The following SOCS7 variants were observed in gnomAD, a reference collection of about 807,000 sequenced individuals.
The protein encoded by SOCS7 is suppressor of cytokine signaling 7, also known as NAP-4.
SOCS7 carries 18 observed loss-of-function variants against 58.9 expected under a neutral mutation model. The observed-to-expected ratio is 0.31, with a 90% CI of 0.21 to 0.45. SOCS7 has a LOEUF of 0.45. Among genes scored for constraint, SOCS7 ranks in the 20% least tolerant of loss-of-function variants. The pLI is 1.00. For missense variants in SOCS7, 667 were observed against 837.3 expected (o/e 0.80, Z 2.51); for synonymous variants, 388 against 364.3 (o/e 1.06, Z -0.74).
At chr17:38,354,772 G>T (rs1334988907) in intron 1 of SOCS7, among the ~76,000 whole-genome samples, 1 of 152,132 alleles carries the variant, frequency 6.6e-6, no homozygotes. Context: ...ATTTTCTTGT[G>T]GTTTGTCTTG....
At chr17:38,393,362 C>T (rs945958054) in intron 7 of SOCS7, among the ~76,000 whole-genome samples, 1 of 152,112 alleles carries the variant, frequency 6.6e-6, no homozygotes, top group African/African-American at 2.4e-5. Flanking sequence ...CTGGGCCGGG[C>T]ATGGTGGCTC....
Position 38,405,432 on chromosome 17 carries a change from C to T in SOCS7, c.*5950C>T, listed in dbSNP as rs2038378881. The T allele has an allele frequency of 1.3e-5, 2 of 152,018 alleles. No homozygotes were observed. Among genetic ancestry groups the T allele is most frequent in the Non-Finnish European group, 2.9e-5 (2 of 68,012 alleles). 9.4% of individuals were successfully genotyped at this position (152,018 alleles called of 1,614,324 possible). ...AGGGACGTTAGTAGCTGCTGCAGGT[C>T]CTGTTTGGAAACCCCATGTACAATT... On this transcript the variant is annotated 3_prime_UTR_variant, in exon 10 of 10. Coordinates refer to ENST00000612932, the MANE Select transcript of SOCS7 (RefSeq NM_014598.4).
chr17:38,354,455 G>T (rs2037605851), intron 1 of SOCS7, among the ~76,000 whole-genome samples: 1 of 152,042 alleles, frequency 6.6e-6, no homozygotes, highest in Non-Finnish European at 1.5e-5. Context: ...GAAAATGTTG[G>T]GTGGATTTGG....
chr17:38,398,670 C>T (rs1225608535), intron 9 of SOCS7, among the ~76,000 whole-genome samples: 4 of 152,102 alleles, frequency 2.6e-5, no homozygotes, highest in African/African-American at 9.7e-5. Context: ...GAATTTCATG[C>T]CAGGGGGTTT....
At chr17:38,389,906 T>TATATATATGTACATATATATAG (rs1555571102) in intron 7 of SOCS7, among the ~76,000 whole-genome samples, 1 of 103,480 alleles carries the variant, frequency 9.7e-6, no homozygotes, top group African/African-American at 4.7e-5. Context: ...TATACACATA[T>TATATATATGTACATATATATAG]AGAGAGAGAG....
chr17:38,383,928 C>A (rs764839095), intron 7 of SOCS7, among the ~76,000 whole-genome samples: 3 of 152,140 alleles, frequency 2.0e-5, no homozygotes, highest in African/African-American at 7.2e-5. Context: ...ATTTCACTTA[C>A]GCTTGTGAAA....
At chr17:38,364,619 G>A (rs1207519728) in intron 2 of SOCS7, 133 bp from the exon 3 acceptor site, 5 of 684,652 alleles carry the variant, frequency 7.3e-6, no homozygotes, top group African/African-American at 7.2e-5. Context: ...TCAGCCCTGG[G>A]GGCATTAGGT....
At chr17:38,359,447 T>G (rs1238196921) in intron 1 of SOCS7, among the ~76,000 whole-genome samples, 1 of 152,206 alleles carries the variant, frequency 6.6e-6, no homozygotes, top group Non-Finnish European at 1.5e-5. Context: ...CTGAATAAGA[T>G]CTTCATGGTA....
chr17:38,387,478 T>TATATATATACACAATACATA (rs2038089304), intron 7 of SOCS7, among the ~76,000 whole-genome samples: 1 of 143,054 alleles, frequency 7.0e-6, no homozygotes, highest in Non-Finnish European at 1.5e-5. Flanking sequence ...CAATATATAG[T>TATATATATACACAATACATA]ATATATATAC....
intron 7 of SOCS7, among the ~76,000 whole-genome samples, chr17:38,394,490 CCTGCTGAACCAGCCTCT>C (rs1057462884): frequency 6.6e-4 from 101 of 152,294 alleles, no homozygotes; most frequent in African/African-American, 2.3e-3. Flanking sequence ...TACCAGCCTC[CCTGCTGAACCAGCCTCT>C]CTGCTGAACC....
At chr17:38,396,166 C>T (rs989250396) in intron 9 of SOCS7, among the ~76,000 whole-genome samples, 168 bp downstream of exon 9, 5 of 152,222 alleles carry the variant, frequency 3.3e-5, no homozygotes, top group African/African-American at 1.2e-4. Context: ...GGGGCACACA[C>T]CCCATTTGGG....
In SOCS7 at chr17:38,361,923, G is replaced by A. The variant is rs2037725569; in HGVS notation, c.1045+148G>A. The A allele has an allele frequency of 9.6e-6, 6 of 625,118 alleles. No homozygotes were observed. The Admixed American group carries it at 1.9e-4, about 20-fold the overall frequency. The allele number at this position is 625,118 out of a possible 1,614,324, so 38.7% of individuals were successfully genotyped here. A position where few individuals can be genotyped will look rare whatever the true frequency, so the allele number is the denominator to read the frequency against. ...CCATGCTTAGTGGGTTTGGGGTGAG[G>A]CTATTTTTATGGTATGGAATGTGTT... On this transcript the variant is annotated intron_variant, in intron 2 of 9. Coordinates refer to ENST00000612932, the MANE Select transcript of SOCS7 (RefSeq NM_014598.4).
chr17:38,370,695 G>A (rs2037851904), intron 6 of SOCS7, among the ~76,000 whole-genome samples: 1 of 150,996 alleles, frequency 6.6e-6, no homozygotes, highest in Non-Finnish European at 1.5e-5. Flanking sequence ...CATCGCCCAG[G>A]CTAGAGTGCA....
At position 38,352,779 on chromosome 17, in the gene SOCS7, GAGCAGCAGC is replaced by G. The variant is rs55849419; in HGVS notation, c.744_752del (p.Gln249_Gln251del). The G allele has an allele frequency of 1.2e-4, 186 of 1,550,020 alleles. 2 individuals carry two copies. Among genetic ancestry groups the G allele is most frequent in the South Asian group, 9.4e-4 (79 of 84,040 alleles). On this transcript the variant is annotated inframe_deletion, in exon 1 of 10. Transcript: ENST00000612932. This position sits in a 1 kb window ranked among gnomAD's most constrained non-coding sequence, Gnocchi z 5.5. ...CCCTCTGGGGCGCCTGAGTAGAGGG[GAGCAGCAGC>G]AGCAGCAGCAGCAGCAACCTCCCCC...
chr17:38,363,688 G>C (rs587733575), intron 2 of SOCS7, among the ~76,000 whole-genome samples: 1 of 152,026 alleles, frequency 6.6e-6, no homozygotes, highest in Non-Finnish European at 1.5e-5. Flanking sequence ...GTATTCAAGA[G>C]CTTTGTAAAA....
At chr17:38,353,104 G>A in intron 1 of SOCS7, 72 bp downstream of exon 1, 1 of 1,373,396 alleles carries the variant, frequency 7.3e-7, no homozygotes, top group Non-Finnish European at 9.7e-7. Flanking sequence ...TATTGCTATC[G>A]CGATCCTGAC....
chr17:38,357,744 T>A (rs1209082534), intron 1 of SOCS7, among the ~76,000 whole-genome samples: 1 of 152,236 alleles, frequency 6.6e-6, no homozygotes, highest in East Asian at 1.9e-4. Context: ...ATTGGAGCCA[T>A]AAAATCTGGT....
Position 38,389,872 on chromosome 17 carries a change from T to TATATATATATATGTGTAC in SOCS7, c.1682-5427_1682-5426insATGTGTACATATATATAT, listed in dbSNP as rs2038137969. Among the ~76,000 whole-genome samples, 30 of 111,752 alleles carry TATATATATATATGTGTAC rather than the reference T, an allele frequency of 2.7e-4. 1 individual carries two copies. The highest frequency in any genetic ancestry group is 5.0e-4 in the African/African-American group (13 of 26,194). 73.3% of individuals were successfully genotyped at this position (111,752 alleles called of 152,430 possible). A position where few individuals can be genotyped will look rare whatever the true frequency, so the allele number is the denominator to read the frequency against. On this transcript the variant is annotated intron_variant, in intron 7 of 9. Transcript: ENST00000612932. The stretch of plus-strand genomic sequence containing the variant: ...TGTTTGGTGTGTATGTGTGTACATA[T>TATATATATATATGTGTAC]ATATATATATGTACATATATATATA...
At chr17:38,376,380 A>C (rs79045445) in intron 6 of SOCS7, among the ~76,000 whole-genome samples, 2,914 of 152,292 alleles carry the variant, frequency 0.019, 45 homozygotes, top group Non-Finnish European at 0.03. Flanking sequence ...ACCTGTGCAG[A>C]TGTGCAAACT....
Sources: gnomAD v4.1 joint callset for allele counts (sites outside exome capture counted in the v4.1 genomes callset) on GRCh38, gnomAD v4.1.1 for gene constraint, Gnocchi (gnomAD v3.1) non-coding constraint, MANE v1.5 for transcripts, NCBI Gene and HGNC (gene_info 2026-07-23, HGNC 2026-07-21) for gene names.